The following GPR26 variants were observed in gnomAD, a reference collection of about 807,000 sequenced individuals.
GPR26 encodes the protein G protein-coupled receptor 26.
Under a neutral mutation model 23.1 loss-of-function variants are expected in GPR26, and 15 were observed. The ratio of observed to expected loss-of-function variants is 0.65; its 90% CI spans 0.43 to 1.00. The LOEUF is 1.00. Ranked by LOEUF, GPR26 falls within the 50% of genes least tolerant of loss-of-function variation. GPR26 has a pLI of 0.00. For synonymous variants in GPR26, 228 were observed against 222.1 expected, an observed-to-expected ratio of 1.03 and a Z score of -0.24; for missense variants, 359 against 470.5, an observed-to-expected ratio of 0.76 and a Z score of 2.19.
chr10:123,669,042 T>TC (rs572603941), intron 1 of GPR26, among the ~76,000 whole-genome samples: 1 of 152,122 alleles, frequency 6.6e-6, no homozygotes, highest in Admixed American at 6.5e-5. Flanking sequence ...GCCTTCGATT[T>TC]CCCCTCCATT....
chr10:123,673,735 T>G (rs1389910587), intron 1 of GPR26, among the ~76,000 whole-genome samples: 1 of 152,138 alleles, frequency 6.6e-6, no homozygotes, highest in Non-Finnish European at 1.5e-5. Context: ...GGAAGAAGCA[T>G]GAAGAAGTGG....
At chr10:123,667,879 A>G (rs886382705) in intron 1 of GPR26, among the ~76,000 whole-genome samples, 6 of 152,084 alleles carry the variant, frequency 3.9e-5, no homozygotes, top group African/African-American at 1.4e-4. Flanking sequence ...TCAGGGAGAG[A>G]AGGAGGGAAC....
intron 2 of GPR26, among the ~76,000 whole-genome samples, chr10:123,678,154 T>G (rs1394515964): frequency 6.6e-6 from 1 of 152,220 alleles, no homozygotes; most frequent in Non-Finnish European, 1.5e-5. Flanking sequence ...AAATAAAATA[T>G]GTAATTAAAA....
chr10:123,667,720 A>G (rs1845204351), intron 1 of GPR26, among the ~76,000 whole-genome samples: 1 of 151,818 alleles, frequency 6.6e-6, no homozygotes, highest in African/African-American at 2.4e-5. Context: ...TGGTGCCTAG[A>G]GGCTCCTGCA....
chr10:123,689,683 G>GT lies in GPR26; in HGVS notation c.*1528dup, dbSNP rs1845471236. The GT allele has an allele frequency of 1.3e-5, 2 of 152,174 alleles. No individual in the cohort carries two copies. Among genetic ancestry groups the GT allele is most frequent in the African/African-American group, 4.8e-5 (2 of 41,446 alleles). 9.4% of individuals were successfully genotyped at this position (152,174 alleles called of 1,614,324 possible). On this transcript the variant is annotated 3_prime_UTR_variant, in exon 3 of 3. Transcript: ENST00000284674. ...CGGGAAGGAAGTGAAGAGTCTATTG[G>GT]TTTTTACTTCTAGGCAGTCCCAATT...
intron 1 of GPR26, among the ~76,000 whole-genome samples, chr10:123,670,727 C>T (rs2133922267): frequency 6.6e-6 from 1 of 152,310 alleles, no homozygotes; most frequent in Non-Finnish European, 1.5e-5. Context: ...TCACAAACAC[C>T]ACCCCTCAGG....
At chr10:123,678,316 T>G (rs986290635) in intron 2 of GPR26, among the ~76,000 whole-genome samples, 11 of 152,050 alleles carry the variant, frequency 7.2e-5, no homozygotes, top group African/African-American at 2.4e-4. Context: ...CTCCTAGACC[T>G]TGAGCTGCTC....
rs1037550327 is a variant in GPR26, at chr10:123,688,199, C to T, written c.*39C>T. Reference sequence around the variant, plus strand: ...TGCTGAAGAGTTTAGAATGAGGCAGCGGTGAGAAGAAGGGTGGGAGGGCGT... The same window carrying T: ...TGCTGAAGAGTTTAGAATGAGGCAGTGGTGAGAAGAAGGGTGGGAGGGCGT... On this transcript the variant is annotated 3_prime_UTR_variant, in exon 3 of 3. Coordinates refer to ENST00000284674, the MANE Select transcript of GPR26 (RefSeq NM_153442.4). 1.9e-5 allele frequency: 10 copies of T among 535,680 alleles called. No homozygotes were observed. Among genetic ancestry groups the T allele is most frequent in the South Asian group, 2.9e-5 (2 of 69,242 alleles). 33.2% of individuals were successfully genotyped at this position (535,680 alleles called of 1,614,324 possible).
chr10:123,686,259 G>A (rs1233080878), intron 2 of GPR26, among the ~76,000 whole-genome samples: 1 of 152,238 alleles, frequency 6.6e-6, no homozygotes, highest in Non-Finnish European at 1.5e-5. Context: ...TAGCAACAAT[G>A]TGTTGGCATT....
At chr10:123,680,333 C>T (rs1845356259) in intron 2 of GPR26, among the ~76,000 whole-genome samples, 1 of 152,230 alleles carries the variant, frequency 6.6e-6, no homozygotes, top group Non-Finnish European at 1.5e-5. Flanking sequence ...CAGCACTCCA[C>T]AGTTTGCTCA....
chr10:123,668,543 T>A (rs1305860571), intron 1 of GPR26, among the ~76,000 whole-genome samples: 1 of 152,134 alleles, frequency 6.6e-6, no homozygotes, highest in African/African-American at 2.4e-5. Context: ...TTTACAGGAG[T>A]GACACGAGTG....
At chr10:123,671,194 G>A (rs1845245840) in intron 1 of GPR26, among the ~76,000 whole-genome samples, 1 of 152,192 alleles carries the variant, frequency 6.6e-6, no homozygotes, top group African/African-American at 2.4e-5. Flanking sequence ...TGGAGAGAAG[G>A]GAGGTGTCTG....
intron 2 of GPR26, among the ~76,000 whole-genome samples, chr10:123,676,882 C>T (rs908677275): frequency 5.3e-5 from 8 of 152,202 alleles, no homozygotes; most frequent in African/African-American, 1.9e-4. Flanking sequence ...TGGAGACAGG[C>T]AGCACAGGCC....
At chr10:123,669,636 T>A (rs1589923028) in intron 1 of GPR26, among the ~76,000 whole-genome samples, 1 of 152,202 alleles carries the variant, frequency 6.6e-6, no homozygotes, top group East Asian at 1.9e-4. Context: ...AGGACTTAAT[T>A]ACAAAGGACC....
intron 2 of GPR26, among the ~76,000 whole-genome samples, chr10:123,686,980 G>C (rs1294539251): frequency 2.6e-5 from 4 of 152,068 alleles, no homozygotes; most frequent in Non-Finnish European, 4.4e-5. Context: ...TATGGCCAAG[G>C]GTGCTGGACA....
intron 2 of GPR26, among the ~76,000 whole-genome samples, chr10:123,676,212 C>T (rs1239097372): frequency 1.3e-5 from 2 of 152,138 alleles, no homozygotes; most frequent in South Asian, 2.1e-4. Flanking sequence ...GGGGTGCCTT[C>T]CCCTGTCTTC....
chr10:123,684,226 G>A (rs551175333), intron 2 of GPR26, among the ~76,000 whole-genome samples: 4 of 152,300 alleles, frequency 2.6e-5, no homozygotes, highest in African/African-American at 4.8e-5. Context: ...GGCAGGCAGC[G>A]ATGTTTGTGG....
At position 123,695,130 on chromosome 10, in the gene GPR26, G is replaced by A. The variant is rs1345974046; in HGVS notation, c.*6970G>A. 1.3e-5 allele frequency among the ~76,000 whole-genome samples: 2 copies of A among 152,218 alleles called. No homozygotes were observed. Among genetic ancestry groups the A allele is most frequent in the African/African-American group, 2.4e-5 (1 of 41,460 alleles). ...TATCTCCGGGTGTTGCCCGTACAGT[G>A]TGTCATGTAAATAGCATCTAGCATT... On this transcript the variant is annotated 3_prime_UTR_variant, in exon 3 of 3. Coordinates refer to ENST00000284674, the MANE Select transcript of GPR26 (RefSeq NM_153442.4).
chr10:123,666,917 C>G lies in GPR26; in HGVS notation c.510C>G (p.Ala170=), dbSNP rs765974110. 6 of 1,613,270 alleles carry G rather than the reference C, an allele frequency of 3.7e-6. No homozygotes were observed. Among genetic ancestry groups the G allele is most frequent in the East Asian group, 2.2e-5 (1 of 44,872 alleles). Residue 170 remains alanine, a synonymous_variant, in exon 1 of 3, where the codon GCC becomes GCG. Transcript: ENST00000284674. ...GGCCAGACGAGCGCCTGCGCTTCGC[C>G]GTCTTCACTGGCGCCTTCCACGCTC... ...SRRPDERLRF[A]VFTGAFHALS...
Sources: gnomAD v4.1 joint callset for allele counts (sites outside exome capture counted in the v4.1 genomes callset) on GRCh38, gnomAD v4.1.1 for gene constraint, MANE v1.5 for transcripts, NCBI Gene and HGNC (gene_info 2026-07-23, HGNC 2026-07-21) for gene names.